The following HS6ST3 variants were observed in gnomAD, a reference collection of about 807,000 sequenced individuals.
The protein encoded by HS6ST3 is heparan sulfate 6-O-sulfotransferase 3.
Under a neutral mutation model 36.7 loss-of-function variants are expected in HS6ST3, and 12 were observed. The ratio of observed to expected loss-of-function variants is 0.33; its 90% CI spans 0.21 to 0.53. The LOEUF (loss-of-function observed/expected upper bound fraction) is 0.53, where lower values mean the gene tolerates loss of function less well. HS6ST3 is among the 20% of genes least tolerant of loss of function. HS6ST3 has a pLI of 0.95. For missense variants in HS6ST3, 584 were observed against 640.9 expected, an observed-to-expected ratio of 0.91 and a Z score of 0.96; for synonymous variants, 240 against 257.5, an observed-to-expected ratio of 0.93 and a Z score of 0.65.
At chr13:96,580,721 C>T (rs959206239) in intron 1 of HS6ST3, among the ~76,000 whole-genome samples, 14 of 152,132 alleles carry the variant, frequency 9.2e-5, no homozygotes, top group Non-Finnish European at 1.8e-4. Flanking sequence ...TTTCTATGTA[C>T]TCATTTATGT....
chr13:96,247,319 C>T (rs1356378471), intron 1 of HS6ST3, among the ~76,000 whole-genome samples: 1 of 152,044 alleles, frequency 6.6e-6, no homozygotes, highest in Non-Finnish European at 1.5e-5. Flanking sequence ...ACCCAAGTCT[C>T]ATCTCAAATT....
chr13:96,403,607 C>T (rs576389763), intron 1 of HS6ST3, among the ~76,000 whole-genome samples: 4 of 152,184 alleles, frequency 2.6e-5, no homozygotes, highest in South Asian at 2.1e-4. Flanking sequence ...AAAAAATCCC[C>T]GTGAGAATAA....
At chr13:96,678,966 T>G (rs1186460538) in intron 1 of HS6ST3, among the ~76,000 whole-genome samples, 3 of 151,890 alleles carry the variant, frequency 2.0e-5, no homozygotes, top group Non-Finnish European at 4.4e-5. Flanking sequence ...AACAGTGCAT[T>G]AAAATGTCAA....
intron 1 of HS6ST3, among the ~76,000 whole-genome samples, chr13:96,515,630 G>A (rs1009682031): frequency 6.6e-6 from 1 of 152,130 alleles, no homozygotes; most frequent in Non-Finnish European, 1.5e-5. Context: ...ATCCCCACGT[G>A]TCGAGAGAGG....
chr13:96,519,598 T>C (rs1314848036), intron 1 of HS6ST3, among the ~76,000 whole-genome samples: 1 of 152,226 alleles, frequency 6.6e-6, no homozygotes, highest in Non-Finnish European at 1.5e-5. Context: ...CCTTGGGCAG[T>C]TACAACTTAC....
chr13:96,162,137 T>G (rs2054138472), intron 1 of HS6ST3, among the ~76,000 whole-genome samples: 1 of 152,130 alleles, frequency 6.6e-6, no homozygotes, highest in Non-Finnish European at 1.5e-5. Flanking sequence ...ATTTGGGAGA[T>G]CAAGGAATTT....
rs1262874436 is a variant in HS6ST3 at position 96,699,814 on chromosome 13, T to C, written c.708-132676T>C. Among the ~76,000 whole-genome samples, 4 of 152,238 alleles carry C rather than the reference T, an allele frequency of 2.6e-5. 1 individual carries two copies. Among genetic ancestry groups the C allele is most frequent in the Non-Finnish European group, 5.9e-5 (4 of 68,040 alleles). ...CACACATATGTTTATTGCGGCACTA[T>C]TCACAATAGCAAAGACTTGGAATTC... On this transcript the variant is annotated intron_variant, in intron 1 of 1. Transcript: ENST00000376705.
At chr13:96,694,275 T>C (rs2138447456) in intron 1 of HS6ST3, among the ~76,000 whole-genome samples, 1 of 152,316 alleles carries the variant, frequency 6.6e-6, no homozygotes, top group East Asian at 1.9e-4. Flanking sequence ...TTTGGTTTTC[T>C]GTTCCTGCAT....
intron 1 of HS6ST3, among the ~76,000 whole-genome samples, chr13:96,801,544 C>G (rs1428369805): frequency 6.6e-6 from 1 of 151,972 alleles, no homozygotes; most frequent in Non-Finnish European, 1.5e-5. Context: ...TAGATATTAT[C>G]ACTGAGAGTC....
At chr13:96,637,902 G>T (rs1369520414) in intron 1 of HS6ST3, among the ~76,000 whole-genome samples, 5 of 152,086 alleles carry the variant, frequency 3.3e-5, no homozygotes, top group Non-Finnish European at 5.9e-5. Context: ...AGTTGATTCA[G>T]AGACACTCCT....
intron 1 of HS6ST3, among the ~76,000 whole-genome samples, chr13:96,473,974 G>T (rs1414135125): frequency 6.6e-6 from 1 of 152,112 alleles, no homozygotes; most frequent in Non-Finnish European, 1.5e-5. Flanking sequence ...GAAGGACCTC[G>T]CCAAATGTGG....
chr13:96,300,067 T>A (rs1453880906), intron 1 of HS6ST3, among the ~76,000 whole-genome samples: 1 of 140,422 alleles, frequency 7.1e-6, no homozygotes, highest in Non-Finnish European at 1.6e-5. Flanking sequence ...TTTTTTTTTT[T>A]TTTTTTTGAG....
At chr13:96,741,144 T>C (rs962294636) in intron 1 of HS6ST3, among the ~76,000 whole-genome samples, 1 of 152,180 alleles carries the variant, frequency 6.6e-6, no homozygotes, top group Non-Finnish European at 1.5e-5. Context: ...AAGTGTATAA[T>C]TGGCTGCCAT....
intron 1 of HS6ST3, among the ~76,000 whole-genome samples, chr13:96,558,152 A>C (rs181591919): frequency 6.6e-6 from 1 of 152,104 alleles, no homozygotes; most frequent in East Asian, 1.9e-4. Context: ...TTACATTCCT[A>C]TTTTATAAAT....
chr13:96,743,486 C>T (rs1000574525), intron 1 of HS6ST3, among the ~76,000 whole-genome samples: 2 of 152,050 alleles, frequency 1.3e-5, no homozygotes, highest in African/African-American at 4.8e-5. Context: ...TAAGCTTCCT[C>T]TATTCTTCTC....
At chr13:96,379,230 T>C (rs1428375720) in intron 1 of HS6ST3, among the ~76,000 whole-genome samples, 14 of 152,224 alleles carry the variant, frequency 9.2e-5, no homozygotes, top group Admixed American at 9.2e-4. Context: ...ATGGTCTGAA[T>C]GTTTGTGTCC....
At chr13:96,802,258 A>C (rs1878095544) in intron 1 of HS6ST3, among the ~76,000 whole-genome samples, 1 of 152,186 alleles carries the variant, frequency 6.6e-6, no homozygotes, top group African/African-American at 2.4e-5. Flanking sequence ...GCTGGAAACC[A>C]GAAGAAAATC....
chr13:96,214,744 T>A (rs965376508), intron 1 of HS6ST3, among the ~76,000 whole-genome samples: 3 of 152,152 alleles, frequency 2.0e-5, no homozygotes, highest in Non-Finnish European at 4.4e-5. Context: ...GGGAAACCTG[T>A]AGATTGTAGA....
At chr13:96,538,907 A>G (rs2056166640) in intron 1 of HS6ST3, among the ~76,000 whole-genome samples, 1 of 152,226 alleles carries the variant, frequency 6.6e-6, no homozygotes, top group African/African-American at 2.4e-5. Flanking sequence ...GACTTGGGTC[A>G]GAGATGATTC....
Sources: allele counts gnomAD v4.1 joint callset (sites outside exome capture counted in the v4.1 genomes callset), GRCh38; gene constraint gnomAD v4.1.1; transcripts MANE v1.5; gene names NCBI Gene and HGNC (gene_info 2026-07-23, HGNC 2026-07-21).